CCNJL: variants seen among roughly 807,000 people sequenced by gnomAD.
The protein encoded by CCNJL is cyclin-J-like protein.
In CCNJL, 33 loss-of-function variants were observed where a neutral mutation model predicts 33.4. The observed-to-expected ratio is 0.99, with a 90% CI of 0.75 to 1.32. CCNJL has a LOEUF of 1.32. CCNJL is among the 40% of genes most tolerant of loss of function. The pLI, the probability that CCNJL is intolerant of heterozygous loss-of-function variation, is 0.00. For synonymous variants in CCNJL, 227 were observed against 220.9 expected, an observed-to-expected ratio of 1.03 and a Z score of -0.24; for missense variants, 512 against 499.7, an observed-to-expected ratio of 1.02 and a Z score of -0.23.
At position 160,251,327 on chromosome 5, in the gene CCNJL, C is replaced by T. The variant is rs926201854; in HGVS notation, c.*2051G>A. The T allele has an allele frequency of 6.6e-6, 1 of 152,266 alleles. No individual in the cohort carries two copies. The highest frequency in any genetic ancestry group is 2.4e-5 in the African/African-American group (1 of 41,460). The allele number at this position is 152,266 out of a possible 1,614,324, so 9.4% of individuals were successfully genotyped here. A position where few individuals can be genotyped will look rare whatever the true frequency, so the allele number is the denominator to read the frequency against. On this transcript the variant is annotated 3_prime_UTR_variant, in exon 6 of 6. Coordinates refer to ENST00000257536, the MANE Select transcript of CCNJL (RefSeq NM_001308173.3). ...CTTACCTGAATTTCCAGCCTGCTGA[C>T]ATGCCCCACAAATTTTAGACCACAG...
chr5:160,300,134 T>C (rs1762877793), intron 2 of CCNJL, among the ~76,000 whole-genome samples: 1 of 152,132 alleles, frequency 6.6e-6, no homozygotes, highest in African/African-American at 2.4e-5. Flanking sequence ...ATGGCATGGG[T>C]ATCCATGTCA....
chr5:160,288,240 C>G (rs1479248799), intron 2 of CCNJL, among the ~76,000 whole-genome samples: 1 of 152,094 alleles, frequency 6.6e-6, no homozygotes, highest in Non-Finnish European at 1.5e-5. Context: ...TTTTCACGAT[C>G]ATGCTTTTCA....
chr5:160,309,924 A>C (rs1202311054), intron 2 of CCNJL, among the ~76,000 whole-genome samples: 1 of 152,194 alleles, frequency 6.6e-6, no homozygotes. Context: ...TAGTAAACTC[A>C]TACGGCACTA....
At chr5:160,331,952 C>T (rs1464405451) in intron 1 of CCNJL, among the ~76,000 whole-genome samples, 1 of 152,164 alleles carries the variant, frequency 6.6e-6, no homozygotes, top group Non-Finnish European at 1.5e-5. Context: ...AATCATAATA[C>T]TCTGGGGGTG....
intron 2 of CCNJL, among the ~76,000 whole-genome samples, chr5:160,294,487 G>A (rs1012863719): frequency 1.1e-4 from 16 of 152,130 alleles, no homozygotes; most frequent in Admixed American, 7.9e-4. Flanking sequence ...CCTCATTCCC[G>A]GAAGCCAGAG....
chr5:160,259,074 G>C (rs185841292), intron 4 of CCNJL, among the ~76,000 whole-genome samples: 1 of 152,312 alleles, frequency 6.6e-6, no homozygotes, highest in East Asian at 1.9e-4. Context: ...TCAAGTAACA[G>C]GGTAACTTTT....
intron 4 of CCNJL, 79 bp downstream of exon 4, chr5:160,259,390 C>A: frequency 3.8e-6 from 5 of 1,329,156 alleles, no homozygotes; most frequent in Non-Finnish European, 5.2e-6. Context: ...GATGGACATG[C>A]CTTTTAGAGC....
At chr5:160,285,366 C>A (rs1762369368) in intron 2 of CCNJL, among the ~76,000 whole-genome samples, 1 of 150,840 alleles carries the variant, frequency 6.6e-6, no homozygotes, top group Non-Finnish European at 1.5e-5. Flanking sequence ...ATCACTGTTA[C>A]TTCAGCACCC....
At chr5:160,282,998 T>C (rs1348333082) in intron 2 of CCNJL, among the ~76,000 whole-genome samples, 9 of 58,034 alleles carry the variant, frequency 1.6e-4, no homozygotes, top group African/African-American at 7.4e-4. Context: ...TATATATATA[T>C]ATATATATAT....
intron 2 of CCNJL, among the ~76,000 whole-genome samples, chr5:160,304,938 T>G (rs1243319713): frequency 6.6e-6 from 1 of 151,996 alleles, no homozygotes; most frequent in Admixed American, 6.6e-5. Flanking sequence ...CTCAGCTTCA[T>G]GAGTAGCTGG....
intron 3 of CCNJL, among the ~76,000 whole-genome samples, chr5:160,277,506 C>G (rs17057599): frequency 0.059 from 8,983 of 152,244 alleles, 357 homozygotes; most frequent in South Asian, 0.18. Flanking sequence ...GTTTAGTGAT[C>G]TCTATACTAT....
chr5:160,262,184 G>A (rs1186932899), intron 3 of CCNJL, among the ~76,000 whole-genome samples: 1 of 152,212 alleles, frequency 6.6e-6, no homozygotes, highest in African/African-American at 2.4e-5. Context: ...AGGTGGCGAG[G>A]TGAAGGTGCA....
intron 1 of CCNJL, among the ~76,000 whole-genome samples, chr5:160,325,405 T>C (rs1211655458): frequency 6.6e-6 from 1 of 152,134 alleles, no homozygotes; most frequent in Non-Finnish European, 1.5e-5. Flanking sequence ...CCTGTCAAAA[T>C]GAATATTTCT....
At chr5:160,298,548 G>C (rs1253048767) in intron 2 of CCNJL, among the ~76,000 whole-genome samples, 1 of 152,146 alleles carries the variant, frequency 6.6e-6, no homozygotes, top group African/African-American at 2.4e-5. Context: ...TCTGGGGAGG[G>C]AGCTAGCTCT....
intron 3 of CCNJL, among the ~76,000 whole-genome samples, chr5:160,271,453 A>C (rs1247329572): frequency 6.6e-6 from 1 of 152,230 alleles, no homozygotes; most frequent in Non-Finnish European, 1.5e-5. Context: ...GGCAAATTGA[A>C]CAATTTAAGA....
At chr5:160,292,007 T>C (rs545148573) in intron 2 of CCNJL, among the ~76,000 whole-genome samples, 2 of 152,288 alleles carry the variant, frequency 1.3e-5, no homozygotes, top group South Asian at 2.1e-4. Flanking sequence ...ATTGGGATCA[T>C]ACCTCTGAAT....
Position 160,249,380 on chromosome 5 carries a change from GCATCT to G in CCNJL, c.*3993_*3997del, listed in dbSNP as rs1448690031. 1 of 152,176 alleles carries G rather than the reference GCATCT, an allele frequency of 6.6e-6. No homozygotes were observed. Among genetic ancestry groups the G allele is most frequent in the African/African-American group, 2.4e-5 (1 of 41,430 alleles). 9.4% of individuals were successfully genotyped at this position (152,176 alleles called of 1,614,324 possible). ...TGGTATATTGAGTATTCTTTCATCAGCATCTCATATTTACTGGCAAATACAGGTAA... is the reference window on the plus strand; with the variant it reads ...TGGTATATTGAGTATTCTTTCATCAGCATATTTACTGGCAAATACAGGTAA... On this transcript the variant is annotated 3_prime_UTR_variant, in exon 6 of 6. Coordinates refer to ENST00000257536, the MANE Select transcript of CCNJL (RefSeq NM_001308173.3).
intron 2 of CCNJL, among the ~76,000 whole-genome samples, chr5:160,302,223 A>G (rs1561803062): frequency 6.6e-6 from 1 of 152,108 alleles, no homozygotes; most frequent in Non-Finnish European, 1.5e-5. Context: ...TGATGTATCC[A>G]TAAAACATTA....
chr5:160,335,813 G>T (rs1270808411), intron 1 of CCNJL, among the ~76,000 whole-genome samples: 3 of 150,260 alleles, frequency 2.0e-5, no homozygotes, highest in African/African-American at 7.4e-5. Flanking sequence ...CAAATTCCTG[G>T]CTTCAAGTGA....
Sources: gnomAD v4.1 joint callset for allele counts (sites outside exome capture counted in the v4.1 genomes callset) on GRCh38, gnomAD v4.1.1 for gene constraint, MANE v1.5 for transcripts, NCBI Gene and HGNC (gene_info 2026-07-23, HGNC 2026-07-21) for gene names.